CACNA2D3: variants seen among roughly 807,000 people sequenced by gnomAD.
CACNA2D3 encodes calcium voltage-gated channel auxiliary subunit alpha2delta 3, also known as voltage-dependent calcium channel subunit alpha-2/delta-3.
CACNA2D3 carries 60 observed loss-of-function variants against 160.6 expected under a neutral mutation model. The ratio of observed to expected loss-of-function variants is 0.37; its 90% confidence interval spans 0.30 to 0.46. The LOEUF (loss-of-function observed/expected upper bound fraction) is 0.46, where lower values mean the gene tolerates loss of function less well. Ranked by LOEUF, CACNA2D3 falls within the 20% of genes least tolerant of loss-of-function variation. The pLI, the probability that CACNA2D3 is intolerant of heterozygous loss-of-function variation, is 1.00. For missense variants in CACNA2D3, 1,205 were observed against 1,365.0 expected (o/e 0.88, Z 1.85); for synonymous variants, 558 against 492.9 (o/e 1.13, Z -1.75).
Position 55,067,102 on chromosome 3 carries a change from G to T in CACNA2D3, c.2988-6343G>T, listed in dbSNP as rs547774687. On this transcript the variant is annotated intron_variant, in intron 35 of 37. Transcript: ENST00000474759. Reference sequence around the variant, plus strand: ...CTTTCCGCTGGCAATCTTTTGTAGCGGGGGGGGCTTTTCTCCTCTCAGTGT... The same window carrying T: ...CTTTCCGCTGGCAATCTTTTGTAGCTGGGGGGGCTTTTCTCCTCTCAGTGT... 3.6e-5 allele frequency among the ~76,000 whole-genome samples: 5 copies of T among 140,058 alleles called. No individual in the cohort carries two copies. The East Asian group carries it at 6.0e-4, about 17-fold the overall frequency. 91.9% of individuals were successfully genotyped at this position (140,058 alleles called of 152,430 possible).
intron 27 of CACNA2D3, among the ~76,000 whole-genome samples, chr3:54,911,843 C>G (rs2106910446): frequency 6.6e-6 from 1 of 152,250 alleles, no homozygotes; most frequent in Non-Finnish European, 1.5e-5. Context: ...AAAATTCTCA[C>G]AGAGGTCCAG....
At chr3:54,909,596 A>G (rs1161569809) in intron 27 of CACNA2D3, among the ~76,000 whole-genome samples, 1 of 152,026 alleles carries the variant, frequency 6.6e-6, no homozygotes, top group African/African-American at 2.4e-5. Flanking sequence ...ATGCAGCTCA[A>G]CACAAATTCA....
At chr3:54,888,171 C>A in intron 24 of CACNA2D3, 119 bp downstream of exon 24, 2 of 786,058 alleles carry the variant, frequency 2.5e-6, no homozygotes, top group Non-Finnish European at 4.3e-6. Flanking sequence ...CTTTAATTTT[C>A]CCCCAAGCTC....
chr3:54,256,938 G>T (rs1211045434), intron 2 of CACNA2D3, among the ~76,000 whole-genome samples: 2 of 152,204 alleles, frequency 1.3e-5, no homozygotes, highest in Non-Finnish European at 2.9e-5. Flanking sequence ...TTTTGGGTCA[G>T]TGCTGGCACT....
At chr3:54,215,933 G>A (rs975610253) in intron 2 of CACNA2D3, among the ~76,000 whole-genome samples, 1 of 151,122 alleles carries the variant, frequency 6.6e-6, no homozygotes, top group Non-Finnish European at 1.5e-5. Flanking sequence ...TGGAACGATC[G>A]TGATTGTGGA....
chr3:54,501,521 T>G (rs2106942094), intron 4 of CACNA2D3, among the ~76,000 whole-genome samples: 1 of 151,946 alleles, frequency 6.6e-6, no homozygotes, highest in African/African-American at 2.4e-5. Flanking sequence ...ATCCTCCTCG[T>G]TCAGCCTCCT....
chr3:54,532,513 G>A (rs924888926), intron 5 of CACNA2D3, among the ~76,000 whole-genome samples: 6 of 152,128 alleles, frequency 3.9e-5, no homozygotes, highest in African/African-American at 1.2e-4. Context: ...CCATGTGTAC[G>A]CATCATTTAG....
intron 2 of CACNA2D3, among the ~76,000 whole-genome samples, chr3:54,196,504 T>C (rs944733726): frequency 3.9e-5 from 6 of 152,204 alleles, no homozygotes; most frequent in African/African-American, 1.2e-4. Flanking sequence ...GTCACAGCCC[T>C]CCCAGTTCTC....
chr3:54,581,861 A>G lies in CACNA2D3; in HGVS notation c.947A>G (p.Asp316Gly). 1 of 1,613,858 alleles carries G rather than the reference A, an allele frequency of 6.2e-7. No individual in the cohort carries two copies. Among genetic ancestry groups the G allele is most frequent in the Non-Finnish European group, 8.5e-7 (1 of 1,179,832 alleles). Residue 316 changes from aspartate (D) to glycine (G), a missense_variant, in exon 9 of 38, where the codon GAC (aspartate) becomes GGC (glycine). Transcript: ENST00000474759. Reference protein sequence around the residue: ...PCLNGTLVQADRTNKEHFREH... With the variant: ...PCLNGTLVQAGRTNKEHFREH... ...CTGAATGGAACTTTGGTGCAAGCCG[A>G]CAGGACAAACAAAGAGGTAGGGGCA...
At chr3:54,880,698 A>G (rs1209652317) in intron 20 of CACNA2D3, 98 bp from the exon 21 acceptor site, 6 of 1,049,036 alleles carry the variant, frequency 5.7e-6, no homozygotes, top group Non-Finnish European at 8.9e-6. Context: ...AGATCATAAA[A>G]TGGAAATGTG....
chr3:54,955,327 C>T lies in CACNA2D3; in HGVS notation c.2450-13123C>T, dbSNP rs958267880. ...GCAGGTAATCTCTTGAAGCTACTCT[C>T]AGAAGAACAGATGAAAAGTCTGTCT... is the stretch of plus-strand genomic sequence containing the variant. On this transcript the variant is annotated intron_variant, in intron 27 of 37. Transcript: ENST00000474759. 4.6e-5 allele frequency among the ~76,000 whole-genome samples: 7 copies of T among 152,260 alleles called. No homozygotes were observed. In the South Asian group the frequency reaches 1.5e-3, roughly 32 times the overall value.
At chr3:54,840,087 T>C (rs1410690885) in intron 16 of CACNA2D3, among the ~76,000 whole-genome samples, 3 of 152,100 alleles carry the variant, frequency 2.0e-5, no homozygotes, top group East Asian at 1.9e-4. Context: ...ATCCCACCTG[T>C]AGAGAACTTT....
chr3:54,819,755 G>A (rs1286218551), intron 14 of CACNA2D3, among the ~76,000 whole-genome samples: 1 of 152,068 alleles, frequency 6.6e-6, no homozygotes, highest in African/African-American at 2.4e-5. Flanking sequence ...TGGGGCAGGA[G>A]AATTGCTTGA....
chr3:54,577,424 G>A (rs1388310609), intron 8 of CACNA2D3, among the ~76,000 whole-genome samples: 3 of 152,130 alleles, frequency 2.0e-5, no homozygotes, highest in South Asian at 4.1e-4. Flanking sequence ...ATAGTGACAT[G>A]TGCCTGATGA....
At chr3:55,010,276 A>G (rs1015167701) in intron 34 of CACNA2D3, among the ~76,000 whole-genome samples, 2 of 152,116 alleles carry the variant, frequency 1.3e-5, no homozygotes, top group African/African-American at 4.8e-5. Flanking sequence ...AAAACTACCT[A>G]TCGGGTACTA....
At chr3:54,337,091 GAC>G (rs1175011087) in intron 3 of CACNA2D3, among the ~76,000 whole-genome samples, 2 of 152,128 alleles carry the variant, frequency 1.3e-5, no homozygotes, top group East Asian at 1.9e-4. Flanking sequence ...CAGACAGACA[GAC>G]AGACAGACAG....
chr3:54,535,156 C>CA (rs1238927471), intron 5 of CACNA2D3, among the ~76,000 whole-genome samples: 2 of 152,186 alleles, frequency 1.3e-5, no homozygotes, highest in African/African-American at 4.8e-5. Context: ...GGTCCCAAAA[C>CA]AACAGCATCA....
chr3:54,589,624 G>A (rs1702824188), intron 9 of CACNA2D3, among the ~76,000 whole-genome samples: 1 of 152,050 alleles, frequency 6.6e-6, no homozygotes, highest in African/African-American at 2.4e-5. Flanking sequence ...ATAAGCTACA[G>A]ATTGAGAGAA....
At chr3:54,914,048 G>A (rs150713789) in intron 27 of CACNA2D3, among the ~76,000 whole-genome samples, 4 of 152,246 alleles carry the variant, frequency 2.6e-5, no homozygotes, top group African/African-American at 9.6e-5. Flanking sequence ...ACCACTAAAT[G>A]AACAAAGAAT....
Sources: allele counts gnomAD v4.1 joint callset (sites outside exome capture counted in the v4.1 genomes callset), GRCh38; gene constraint gnomAD v4.1.1; transcripts MANE v1.5; gene names NCBI Gene and HGNC (gene_info 2026-07-23, HGNC 2026-07-21).